Variants in SPMIP3 observed in about 807,000 individuals in gnomAD.
SPMIP3 encodes sperm microtubule inner protein 3.
At chr1:244,373,881 A>T in the SPMIP3 span, among the ~76,000 whole-genome samples, 2 of 152,112 alleles carry the variant, frequency 1.3e-5, no homozygotes, top group South Asian at 4.1e-4. Context: ...TGGGAGGCCA[A>T]GGTGGGCGGA....
At chr1:244,378,687 G>A in the SPMIP3 span, 5 of 1,560,396 alleles carry the variant, frequency 3.2e-6, no homozygotes, top group Non-Finnish European at 3.5e-6. Flanking sequence ...ACCTTGCCTG[G>A]GCCACAGATT....
At chr1:244,368,461 C>T in the SPMIP3 span, among the ~76,000 whole-genome samples, 562 of 152,340 alleles carry the variant, frequency 3.7e-3, 3 homozygotes, top group African/African-American at 0.013. Context: ...TACTGACTGG[C>T]GGACATGGGA....
the SPMIP3 span, chr1:244,375,219 C>A: frequency 1.8e-6 from 1 of 547,824 alleles, no homozygotes; most frequent in Non-Finnish European, 3.2e-6. Flanking sequence ...GAAAAAGACC[C>A]TTATCAGGAA....
At chr1:244,372,804 A>G in the SPMIP3 span, among the ~76,000 whole-genome samples, 4 of 152,314 alleles carry the variant, frequency 2.6e-5, no homozygotes, top group South Asian at 8.3e-4. Flanking sequence ...AAGACCCCAC[A>G]TGTCCAGGCA....
chr1:244,364,718 A>G, the SPMIP3 span: 1 of 1,614,026 alleles, frequency 6.2e-7, no homozygotes, highest in South Asian at 1.1e-5. Flanking sequence ...CCATCCGACT[A>G]CGAGAATTTA....
At chr1:244,355,029 C>T in the SPMIP3 span, among the ~76,000 whole-genome samples, 3 of 152,174 alleles carry the variant, frequency 2.0e-5, no homozygotes, top group Admixed American at 2.0e-4. Flanking sequence ...GAACGCATTT[C>T]CTGTAGCTGC....
chr1:244,377,256 G>A, the SPMIP3 span, among the ~76,000 whole-genome samples: 1 of 152,158 alleles, frequency 6.6e-6, no homozygotes, highest in Non-Finnish European at 1.5e-5. Flanking sequence ...CGAGTAGCTG[G>A]GACTACAGGC....
At chr1:244,388,569 G>C in the SPMIP3 span, among the ~76,000 whole-genome samples, 1 of 151,670 alleles carries the variant, frequency 6.6e-6, no homozygotes, top group Admixed American at 6.6e-5. Flanking sequence ...AATAAAATTT[G>C]AAAAAACAAA....
chr1:244,388,389 C>A, the SPMIP3 span, among the ~76,000 whole-genome samples: 4 of 149,004 alleles, frequency 2.7e-5, no homozygotes, highest in Admixed American at 1.4e-4. Flanking sequence ...TCCTTCCCCC[C>A]AGACGTACTC....
chr1:244,359,379 G>C, the SPMIP3 span, among the ~76,000 whole-genome samples: 14 of 152,080 alleles, frequency 9.2e-5, no homozygotes, highest in Non-Finnish European at 2.1e-4. Flanking sequence ...TTAATAACCA[G>C]AATATATAAA....
the SPMIP3 span, among the ~76,000 whole-genome samples, chr1:244,383,499 AC>A: frequency 6.6e-6 from 1 of 152,098 alleles, no homozygotes; most frequent in Admixed American, 6.6e-5. Flanking sequence ...ACATAGCAAG[AC>A]CCCAACTCTA....
At chr1:244,355,545 G>A in the SPMIP3 span, among the ~76,000 whole-genome samples, 11 of 151,994 alleles carry the variant, frequency 7.2e-5, no homozygotes, top group Admixed American at 5.2e-4. Context: ...GCGCCACCAC[G>A]CCTGGCTAAT....
At chr1:244,384,465 A>G in the SPMIP3 span, among the ~76,000 whole-genome samples, 1 of 152,148 alleles carries the variant, frequency 6.6e-6, no homozygotes, top group Non-Finnish European at 1.5e-5. Flanking sequence ...CAGCCTCCCA[A>G]AGTGCTGGGA....
At chr1:244,368,236 G>C in the SPMIP3 span, among the ~76,000 whole-genome samples, 4 of 152,178 alleles carry the variant, frequency 2.6e-5, no homozygotes, top group African/African-American at 9.7e-5. Context: ...TGGGATTACA[G>C]GCTTGAGCCA....
the SPMIP3 span, among the ~76,000 whole-genome samples, chr1:244,368,858 T>C: frequency 1.3e-5 from 2 of 152,334 alleles, no homozygotes; most frequent in Middle Eastern, 6.8e-3. Context: ...CACATAAAAT[T>C]CTTGTATTCA....
chr1:244,355,143 G>A, the SPMIP3 span, among the ~76,000 whole-genome samples: 1 of 152,310 alleles, frequency 6.6e-6, no homozygotes, highest in African/African-American at 2.4e-5. Flanking sequence ...GGGTCAGACA[G>A]ACCTGGCTGT....
the SPMIP3 span, chr1:244,388,949 A>T: frequency 6.2e-7 from 1 of 1,609,264 alleles, no homozygotes. Flanking sequence ...TTTAAATTCC[A>T]GATTGGAACC....
At chr1:244,362,769 A>G in the SPMIP3 span, among the ~76,000 whole-genome samples, 1 of 152,108 alleles carries the variant, frequency 6.6e-6, no homozygotes, top group Non-Finnish European at 1.5e-5. Flanking sequence ...TTCCTAAGGT[A>G]AATGGTAAAA....
chr1:244,366,919 T>C, the SPMIP3 span, among the ~76,000 whole-genome samples: 19 of 151,710 alleles, frequency 1.3e-4, 1 homozygote, highest in Admixed American at 1.2e-3. Flanking sequence ...GATAGAATAA[T>C]TGGAAGTTGT....
Sources: gnomAD v4.1 joint callset for allele counts (sites outside exome capture counted in the v4.1 genomes callset) on GRCh38, gnomAD v4.1.1 for gene constraint, MANE v1.5 for transcripts, NCBI Gene and HGNC (gene_info 2026-07-23, HGNC 2026-07-21) for gene names.